The following LYZL2 variants were observed in gnomAD, a reference collection of about 807,000 sequenced individuals.
LYZL2 encodes the protein lysozyme-like protein 2.
LYZL2 carries 13 observed loss-of-function variants against 17.1 expected under a neutral mutation model. The observed-to-expected ratio is 0.76, with a 90% confidence interval of 0.49 to 1.21. The LOEUF is 1.21. Ranked by LOEUF, LYZL2 falls within the 50% of genes most tolerant of loss-of-function variation. The pLI is 0.00. For synonymous variants in LYZL2, 63 were observed against 74.4 expected, an observed-to-expected ratio of 0.85 and a Z score of 0.79; for missense variants, 166 against 189.2, an observed-to-expected ratio of 0.88 and a Z score of 0.72.
intron 3 of LYZL2, among the ~76,000 whole-genome samples, chr10:30,617,345 T>C (rs997310612): frequency 2.6e-5 from 4 of 152,102 alleles, no homozygotes; most frequent in African/African-American, 9.7e-5. Flanking sequence ...ATTGGGATGT[T>C]TTGAAAGTAC....
intron 3 of LYZL2, among the ~76,000 whole-genome samples, chr10:30,618,122 C>T (rs7095355): frequency 0.68 from 101,792 of 150,600 alleles, 35,163 homozygotes; most frequent in African/African-American, 0.75. Flanking sequence ...TTACAAGGGA[C>T]GTGAAGGACC....
chr10:30,614,560 T>C (rs368258971), intron 3 of LYZL2, among the ~76,000 whole-genome samples: 14 of 152,144 alleles, frequency 9.2e-5, no homozygotes, highest in Admixed American at 3.9e-4. Flanking sequence ...GGGAGGCCCA[T>C]CTCCATGACC....
chr10:30,626,526 C>T (rs1838709536), intron 2 of LYZL2, among the ~76,000 whole-genome samples: 2 of 152,280 alleles, frequency 1.3e-5, no homozygotes, highest in Admixed American at 1.3e-4. Flanking sequence ...ACAATGCCAG[C>T]AGAGGTGGCA....
intron 1 of LYZL2, 47 bp from the exon 2 acceptor site, chr10:30,626,987 T>G: frequency 6.2e-7 from 1 of 1,607,938 alleles, no homozygotes; most frequent in Non-Finnish European, 8.5e-7. Context: ...ATTCAGGAAC[T>G]TCGAAATCCA....
intron 3 of LYZL2, among the ~76,000 whole-genome samples, chr10:30,621,482 G>T (rs1838618135): frequency 6.6e-6 from 1 of 151,966 alleles, no homozygotes; most frequent in African/African-American, 2.4e-5. Context: ...TGCTCAGGAG[G>T]CTGAGGCATG....
chr10:30,611,722 G>GAAAGAAAGAAAGAAAGAAAGAAAGAA (rs1408469583), downstream of LYZL2: 187 of 118,194 alleles, frequency 1.6e-3, 3 homozygotes, highest in African/African-American at 0.012. Context: ...AAGAAAGAAA[G>GAAAGAAAGAAAGAAAGAAAGAAAGAA]AAAAGAAAAG....
At chr10:30,622,683 C>G (rs1171861206) in intron 3 of LYZL2, among the ~76,000 whole-genome samples, 1 of 152,202 alleles carries the variant, frequency 6.6e-6, no homozygotes, top group African/African-American at 2.4e-5. Flanking sequence ...CTTATTGGAA[C>G]ACAGCCAGGC....
intron 3 of LYZL2, 21 bp from the exon 4 acceptor site, chr10:30,612,921 A>G (rs372436301): frequency 5.9e-4 from 947 of 1,605,884 alleles, no homozygotes; most frequent in South Asian, 1.3e-3. Context: ...AGAGGTCATC[A>G]GGGTTAGGCG....
intron 3 of LYZL2, among the ~76,000 whole-genome samples, chr10:30,625,725 T>G (rs1207382756): frequency 6.6e-6 from 1 of 152,172 alleles, no homozygotes; most frequent in Non-Finnish European, 1.5e-5. Context: ...TGTATTCATC[T>G]CATTCTGCTC....
intron 3 of LYZL2, 45 bp from the exon 4 acceptor site, chr10:30,612,945 G>A (rs1368360440): frequency 1.4e-6 from 2 of 1,476,242 alleles, no homozygotes; most frequent in Non-Finnish European, 1.9e-6. Flanking sequence ...CTTTGTTGTT[G>A]GAGAGGGACC....
At chr10:30,611,552 AAGGAAGGAAG>A, downstream of LYZL2, among the ~76,000 whole-genome samples, 7 of 95,246 alleles carry the variant, frequency 7.3e-5, no homozygotes, top group Middle Eastern at 4.1e-3. Context: ...GGAAGGAAGG[AAGGAAGGAAG>A]GAAGGAAGGA....
intron 3 of LYZL2, among the ~76,000 whole-genome samples, chr10:30,625,168 C>T (rs1838683212): frequency 6.6e-6 from 1 of 152,224 alleles, no homozygotes; most frequent in Non-Finnish European, 1.5e-5. Context: ...AATCCGCTGG[C>T]ACTCTTCCAG....
chr10:30,607,392 C>CA (rs1012642250), downstream of LYZL2, among the ~76,000 whole-genome samples: 8 of 151,986 alleles, frequency 5.3e-5, no homozygotes, highest in Admixed American at 2.0e-4. Context: ...GTGCAAACTG[C>CA]AGCTTCGTGT....
rs1190742142 is a variant in LYZL2, at chr10:30,629,631, C to T, written c.-64G>A. On this transcript the variant is annotated 5_prime_UTR_variant, in exon 1 of 5. Coordinates refer to ENST00000647634, the MANE Select transcript of LYZL2 (RefSeq NM_183058.3). The stretch of plus-strand genomic sequence containing the variant: ...TCCTGGTGCCTGCCGCAGAGGCTGA[C>T]TTCTCAGTTGAGTCTGCGGAAGAAA... 4 of 1,614,240 alleles carry T rather than the reference C, an allele frequency of 2.5e-6. No individual in the cohort carries two copies. In the Admixed American group the frequency reaches 5.0e-5, roughly 20 times the overall value.
chr10:30,617,082 T>C (rs1395680646), intron 3 of LYZL2, among the ~76,000 whole-genome samples: 2 of 151,916 alleles, frequency 1.3e-5, no homozygotes, highest in African/African-American at 4.8e-5. Flanking sequence ...CTGGGAGACA[T>C]GGGTTTGGGG....
chr10:30,619,876 A>T (rs976222179), intron 3 of LYZL2, among the ~76,000 whole-genome samples: 2 of 152,336 alleles, frequency 1.3e-5, no homozygotes, highest in South Asian at 4.1e-4. Context: ...TTAAAGAGAC[A>T]GCTCTTTCAA....
In LYZL2 at chr10:30,620,941, A is replaced by T. The variant is rs116810538; in HGVS notation, c.298+5164T>A. On this transcript the variant is annotated intron_variant, in intron 3 of 4. Coordinates refer to ENST00000647634, the MANE Select transcript of LYZL2 (RefSeq NM_183058.3). Reference sequence around the variant, plus strand: ...AAATAAAATACAGGGAGGGAAAAATACTAAAAAACGAGGAACCTCAATGAT... The same window carrying T: ...AAATAAAATACAGGGAGGGAAAAATTCTAAAAAACGAGGAACCTCAATGAT... 3.0e-3 allele frequency among the ~76,000 whole-genome samples: 463 copies of T among 152,288 alleles called. 2 individuals are homozygous for T. The highest frequency in any genetic ancestry group is 0.01 in the Middle Eastern group (3 of 294).
Position 30,629,536 on chromosome 10 carries a change from C to A in LYZL2, c.-26+57G>T, listed in dbSNP as rs1838772543. On this transcript the variant is annotated intron_variant, in intron 1 of 4. Transcript: ENST00000647634. ...CATCATGTTCTACATCCTTCAAGAA[C>A]CTGCCATTGCTGGTTCTCAGGGACA... 3.2e-6 allele frequency: 5 copies of A among 1,585,382 alleles called. No individual in the cohort carries two copies. In the South Asian group the frequency reaches 3.4e-5, roughly 11 times the overall value.
downstream of LYZL2, among the ~76,000 whole-genome samples, chr10:30,606,845 T>C (rs1048059561): frequency 1.3e-5 from 2 of 151,928 alleles, no homozygotes; most frequent in Non-Finnish European, 2.9e-5. Flanking sequence ...ACTTGAAATG[T>C]TTTCTGTTAG....
Sources: allele counts gnomAD v4.1 joint callset (sites outside exome capture counted in the v4.1 genomes callset), GRCh38; gene constraint gnomAD v4.1.1; transcripts MANE v1.5; gene names NCBI Gene and HGNC (gene_info 2026-07-23, HGNC 2026-07-21).